The following NRG1 variants were observed in gnomAD, a reference collection of about 807,000 sequenced individuals.
NRG1 encodes the protein pro-neuregulin-1, membrane-bound isoform.
In NRG1, 18 loss-of-function variants were observed where a neutral mutation model predicts 63.8. That is an observed-to-expected ratio of 0.28 (90% CI 0.19 to 0.42). The LOEUF (loss-of-function observed/expected upper bound fraction) is 0.42. Among genes scored for constraint, NRG1 ranks in the 10% least tolerant of loss-of-function variants. NRG1 has a pLI of 1.00. For missense variants in NRG1, 762 were observed against 814.7 expected (o/e 0.94, Z 0.79); for synonymous variants, 302 against 301.3 (o/e 1.00, Z -0.02).
intron 5 of NRG1, among the ~76,000 whole-genome samples, chr8:32,685,750 C>T (rs188841019): frequency 3.8e-4 from 58 of 152,224 alleles, no homozygotes; most frequent in Admixed American, 3.4e-3. Flanking sequence ...ATACATGAGC[C>T]AAATTCAGAG....
intron 1 of NRG1, chr8:31,639,563 CGCCGCA>C: frequency 6.9e-7 from 1 of 1,439,090 alleles, no homozygotes; most frequent in Non-Finnish European, 9.2e-7. Context: ...CCCCAGCAGC[CGCCGCA>C]GCATCACTTC....
intron 5 of NRG1, among the ~76,000 whole-genome samples, chr8:32,704,033 A>C (rs1815670820): frequency 6.6e-6 from 1 of 152,256 alleles, no homozygotes; most frequent in Admixed American, 6.5e-5. Flanking sequence ...CATAGAACAG[A>C]GTTGTAGCCC....
chr8:32,749,818 G>A (rs994232125), intron 7 of NRG1: 3 of 567,388 alleles, frequency 5.3e-6, no homozygotes, highest in Non-Finnish European at 9.3e-6. Context: ...GAGTTTAAAA[G>A]TACCCTACCT....
At chr8:32,738,104 G>A (rs183487182) in intron 6 of NRG1, among the ~76,000 whole-genome samples, 3 of 152,122 alleles carry the variant, frequency 2.0e-5, no homozygotes, top group Non-Finnish European at 2.9e-5. Context: ...GATACAAAAT[G>A]ATCAGAATGT....
At chr8:31,820,016 G>A (rs1037578479) in intron 1 of NRG1, among the ~76,000 whole-genome samples, 3 of 152,056 alleles carry the variant, frequency 2.0e-5, no homozygotes, top group African/African-American at 4.8e-5. Flanking sequence ...GCAAGATATC[G>A]GGAGAAAAGC....
chr8:32,457,484 C>T (rs913231772), intron 1 of NRG1, among the ~76,000 whole-genome samples: 5 of 152,064 alleles, frequency 3.3e-5, no homozygotes, highest in Non-Finnish European at 7.4e-5. Context: ...TCAAACAATA[C>T]GAACTAGAAA....
rs142978301 is a variant in NRG1, at chr8:32,516,616, T to G, written c.38-79212T>G. Among the ~76,000 whole-genome samples, 578 of 152,280 alleles carry G rather than the reference T, an allele frequency of 3.8e-3. 2 individuals are homozygous for G. The highest frequency in any genetic ancestry group is 5.0e-3 in the Non-Finnish European group (340 of 68,016). ...CTGTTTGTTTCTTTCAGCAATGTTT[T>G]ATAGTTCTCTTTGTAGGTATCTTCC... On this transcript the variant is annotated intron_variant, in intron 1 of 10. Coordinates refer to the NRG1 transcript ENST00000519301.
At chr8:32,177,258 C>G (rs891474363) in intron 1 of NRG1, among the ~76,000 whole-genome samples, 1 of 145,270 alleles carries the variant, frequency 6.9e-6, no homozygotes, top group African/African-American at 2.6e-5. Context: ...TGTTCTCACT[C>G]ATAGGTGGGA....
chr8:32,145,387 G>A (rs1053555825), intron 1 of NRG1, among the ~76,000 whole-genome samples: 1 of 151,860 alleles, frequency 6.6e-6, no homozygotes, highest in Non-Finnish European at 1.5e-5. Context: ...TATAGACAAA[G>A]AATATATTTC....
intron 1 of NRG1, among the ~76,000 whole-genome samples, chr8:32,185,854 TA>T (rs1426728493): frequency 2.6e-5 from 4 of 152,230 alleles, no homozygotes; most frequent in Non-Finnish European, 5.9e-5. Flanking sequence ...ATTTCTTCAT[TA>T]ATTTATTATA....
At chr8:31,664,748 A>T (rs1806349416) in intron 1 of NRG1, among the ~76,000 whole-genome samples, 1 of 152,168 alleles carries the variant, frequency 6.6e-6, no homozygotes, top group African/African-American at 2.4e-5. Flanking sequence ...CTGAACTGTT[A>T]TTGGAGAGGG....
chr8:31,776,297 C>T (rs1264267677), intron 1 of NRG1, among the ~76,000 whole-genome samples: 2 of 152,186 alleles, frequency 1.3e-5, no homozygotes, highest in Non-Finnish European at 2.9e-5. Context: ...TAATTCCCAG[C>T]AGGGGCTCTT....
chr8:32,733,898 T>C (rs1043855874), intron 6 of NRG1, among the ~76,000 whole-genome samples: 2 of 152,188 alleles, frequency 1.3e-5, no homozygotes, highest in Admixed American at 6.5e-5. Context: ...CAGGAAGGCA[T>C]TGTGGTTGTA....
At chr8:32,456,024 T>C (rs577101136) in intron 1 of NRG1, among the ~76,000 whole-genome samples, 6 of 152,230 alleles carry the variant, frequency 3.9e-5, no homozygotes, top group Non-Finnish European at 8.8e-5. Context: ...CTTCAAGTGA[T>C]CTACCCACTT....
chr8:32,096,047 A>T (rs1182160194), intron 1 of NRG1, among the ~76,000 whole-genome samples: 1 of 152,184 alleles, frequency 6.6e-6, no homozygotes, highest in African/African-American at 2.4e-5. Flanking sequence ...AGGCAGAGGG[A>T]ATAGCAAGCA....
At chr8:31,654,667 G>A (rs1315948784) in intron 1 of NRG1, among the ~76,000 whole-genome samples, 1 of 152,196 alleles carries the variant, frequency 6.6e-6, no homozygotes, top group East Asian at 1.9e-4. Flanking sequence ...GGCTAGATGT[G>A]TGGCTTATGC....
chr8:32,642,682 C>A (rs2129545981), intron 5 of NRG1, among the ~76,000 whole-genome samples: 1 of 152,260 alleles, frequency 6.6e-6, no homozygotes, highest in Admixed American at 6.5e-5. Flanking sequence ...ACGACTGCTG[C>A]CATCATTTTT....
chr8:32,249,323 A>G (rs1231445202), intron 1 of NRG1, among the ~76,000 whole-genome samples: 1 of 152,074 alleles, frequency 6.6e-6, no homozygotes, highest in African/African-American at 2.4e-5. Context: ...TCTGAATTAC[A>G]GACATGTAGA....
intron 5 of NRG1, among the ~76,000 whole-genome samples, chr8:32,691,820 G>A (rs533018044): frequency 1.5e-4 from 23 of 152,228 alleles, no homozygotes; most frequent in Admixed American, 4.6e-4. Flanking sequence ...AAATACGTTA[G>A]CAGGATCCTT....
Sources: gnomAD v4.1 joint callset for allele counts (sites outside exome capture counted in the v4.1 genomes callset) on GRCh38, gnomAD v4.1.1 for gene constraint, MANE v1.5 for transcripts, NCBI Gene and HGNC (gene_info 2026-07-23, HGNC 2026-07-21) for gene names.